COL9A1: variants seen among roughly 807,000 people sequenced by gnomAD.
COL9A1 encodes collagen alpha-1(IX) chain.
Under a neutral mutation model 142.6 loss-of-function variants are expected in COL9A1, and 104 were observed. The observed-to-expected ratio is 0.73, with a 90% CI of 0.62 to 0.86. COL9A1 has a LOEUF of 0.86. Among genes scored for constraint, COL9A1 ranks in the 40% least tolerant of loss-of-function variants. COL9A1 has a pLI of 0.00. For missense variants in COL9A1, 1,210 were observed against 1,176.6 expected (o/e 1.03, Z -0.42); for synonymous variants, 466 against 396.0 (o/e 1.18, Z -2.10).
intron 28 of COL9A1, among the ~76,000 whole-genome samples, chr6:70,247,901 T>A (rs539933264): frequency 1.3e-5 from 2 of 152,262 alleles, no homozygotes; most frequent in South Asian, 4.1e-4. Flanking sequence ...GAGGGTGGCT[T>A]AGATCTTTCA....
At chr6:70,277,073 C>T (rs1278077414) in intron 10 of COL9A1, among the ~76,000 whole-genome samples, 2 of 152,180 alleles carry the variant, frequency 1.3e-5, no homozygotes, top group Non-Finnish European at 2.9e-5. Context: ...TAGTTGTATA[C>T]ATTCAGAAAA....
In COL9A1 at chr6:70,255,050, C is replaced by T. The variant is rs761858766; in HGVS notation, c.1612-34G>A. The T allele has an allele frequency of 1.2e-5, 20 of 1,612,888 alleles. 1 individual carries two copies. In the South Asian group the frequency reaches 2.1e-4, roughly 17 times the overall value. On this transcript the variant is annotated intron_variant, in intron 23 of 37. Coordinates refer to ENST00000357250, the MANE Select transcript of COL9A1 (RefSeq NM_001851.6). ...ACACAAAGAAACATACTGTCTCTTACACACAGTCACATTCTTTTTCCCTTC... is the reference window on the plus strand; with the variant it reads ...ACACAAAGAAACATACTGTCTCTTATACACAGTCACATTCTTTTTCCCTTC...
intron 33 of COL9A1, among the ~76,000 whole-genome samples, chr6:70,236,990 T>C (rs2127561522): frequency 6.6e-6 from 1 of 152,248 alleles, no homozygotes; most frequent in African/African-American, 2.4e-5. Context: ...CCTGGCTAAC[T>C]TTTTGTATTT....
chr6:70,301,971 C>T, intron 2 of COL9A1, 30 bp downstream of exon 2: 1 of 1,572,834 alleles, frequency 6.4e-7, no homozygotes, highest in Admixed American at 1.7e-5. Flanking sequence ...AATAAGTGAT[C>T]TTTGAAAGTC....
At chr6:70,229,295 A>T (rs913644395) in intron 36 of COL9A1, among the ~76,000 whole-genome samples, 1 of 152,176 alleles carries the variant, frequency 6.6e-6, no homozygotes, top group Admixed American at 6.5e-5. Context: ...TTTGAGATGT[A>T]CAAAAACCAG....
At chr6:70,266,916 A>G (rs74917222) in intron 17 of COL9A1, 146 bp from the exon 18 acceptor site, 5 of 740,516 alleles carry the variant, frequency 6.8e-6, no homozygotes, top group Non-Finnish European at 1.2e-5. Context: ...GCCTTAAATG[A>G]CCTTAACAGC....
At chr6:70,253,461 T>A in intron 25 of COL9A1, 32 bp from the exon 26 acceptor site, 1 of 1,517,350 alleles carries the variant, frequency 6.6e-7, no homozygotes, top group Non-Finnish European at 9.1e-7. Context: ...CCTAGTTTAA[T>A]CACCTCCTCT....
At chr6:70,271,944 C>G in intron 13 of COL9A1, 121 bp downstream of exon 13, 1 of 1,061,676 alleles carries the variant, frequency 9.4e-7, no homozygotes, top group East Asian at 2.5e-5. Context: ...CACCTAAGAT[C>G]TTGCAGGTAG....
At chr6:70,256,272 T>C (rs1462820373) in intron 21 of COL9A1, among the ~76,000 whole-genome samples, 2 of 152,246 alleles carry the variant, frequency 1.3e-5, no homozygotes, top group African/African-American at 4.8e-5. Context: ...GGAAATTCTA[T>C]CTTTCTTATA....
chr6:70,271,582 G>T, intron 14 of COL9A1, 73 bp downstream of exon 14: 1 of 1,329,146 alleles, frequency 7.5e-7, no homozygotes. Flanking sequence ...GTACAGTTAG[G>T]GTAATTTGCT....
chr6:70,276,280 C>T (rs919576388), intron 10 of COL9A1, among the ~76,000 whole-genome samples: 16 of 152,094 alleles, frequency 1.1e-4, no homozygotes, highest in African/African-American at 3.9e-4. Flanking sequence ...TCTCTGGATG[C>T]ACATATGGCA....
rs11407353 is a variant in COL9A1, at chr6:70,227,424, T to TAAAAAAAAAA, written c.2504-1425_2504-1416dup. Among the ~76,000 whole-genome samples the TAAAAAAAAAA allele has an allele frequency of 7.8e-4, 39 of 50,024 alleles. 2 individuals carry two copies. Among genetic ancestry groups the TAAAAAAAAAA allele is most frequent in the East Asian group, 4.0e-3 (6 of 1,498 alleles). The allele number at this position is 50,024 out of a possible 152,430, so 32.8% of individuals were successfully genotyped here. ...CTCATAACAAAATAAATGCAAATTG[T>TAAAAAAAAAA]AAAAAAAAAAAAAAAAAAAAAAAAG... On this transcript the variant is annotated intron_variant, in intron 36 of 37. Transcript: ENST00000357250.
Position 70,216,634 on chromosome 6 carries a change from C to A in COL9A1, c.*263G>T. On this transcript the variant is annotated 3_prime_UTR_variant, in exon 38 of 38. Transcript: ENST00000357250. ...CTGGGAACAGGAGTATAAATTTATTCAAGGGAGGTGTTTGGTTTTCTTTTT... is the reference window on the plus strand; with the variant it reads ...CTGGGAACAGGAGTATAAATTTATTAAAGGGAGGTGTTTGGTTTTCTTTTT... 2.0e-6 allele frequency: 1 copy of A among 492,956 alleles called. No homozygotes were observed. The highest frequency in any genetic ancestry group is 2.2e-5 in the South Asian group (1 of 46,226). The allele number at this position is 492,956 out of a possible 1,614,324, so 30.5% of individuals were successfully genotyped here. A position where few individuals can be genotyped will look rare whatever the true frequency, so the allele number is the denominator to read the frequency against.
chr6:70,218,219 TATTG>T (rs1253831255), intron 37 of COL9A1, among the ~76,000 whole-genome samples: 15 of 152,356 alleles, frequency 9.8e-5, no homozygotes, highest in African/African-American at 3.1e-4. Flanking sequence ...ATTAAGATAT[TATTG>T]ATTAATGTCT....
At chr6:70,288,262 C>G (rs1773529697) in intron 5 of COL9A1, among the ~76,000 whole-genome samples, 1 of 152,170 alleles carries the variant, frequency 6.6e-6, no homozygotes, top group Non-Finnish European at 1.5e-5. Flanking sequence ...CTCTCATACT[C>G]CAAATCCTGT....
chr6:70,300,468 T>G (rs529319521), intron 2 of COL9A1, 82 bp from the exon 3 acceptor site: 2 of 548,154 alleles, frequency 3.6e-6, no homozygotes, highest in African/African-American at 2.0e-5. Flanking sequence ...AAAATAATAA[T>G]AATAATAATA....
chr6:70,272,156 T>C (rs1458689053), intron 12 of COL9A1, 68 bp from the exon 13 acceptor site: 9 of 1,281,582 alleles, frequency 7.0e-6, no homozygotes, highest in South Asian at 5.1e-5. Flanking sequence ...AATGTAGACA[T>C]AACTCAGCTA....
Position 70,296,356 on chromosome 6 carries a change from G to A in COL9A1, c.300-1793C>T, listed in dbSNP as rs551860236. Reference sequence around the variant, plus strand: ...TGACATGTATTAATCTTACTGCAAAGTTTTCAGTTCACTACCTATGTTTTA... The same window carrying A: ...TGACATGTATTAATCTTACTGCAAAATTTTCAGTTCACTACCTATGTTTTA... On this transcript the variant is annotated intron_variant, in intron 4 of 37. Transcript: ENST00000357250. 4.3e-3 allele frequency among the ~76,000 whole-genome samples: 651 copies of A among 151,942 alleles called. 4 individuals are homozygous for A. The highest frequency in any genetic ancestry group is 0.015 in the African/African-American group (625 of 41,486).
intron 31 of COL9A1, among the ~76,000 whole-genome samples, chr6:70,241,088 C>G (rs1770227500): frequency 6.6e-6 from 1 of 152,190 alleles, no homozygotes; most frequent in Admixed American, 6.5e-5. Flanking sequence ...AGGTCTTGAT[C>G]AAGAAAAACC....
Sources: gnomAD v4.1 joint callset for allele counts (sites outside exome capture counted in the v4.1 genomes callset) on GRCh38, gnomAD v4.1.1 for gene constraint, MANE v1.5 for transcripts, NCBI Gene and HGNC (gene_info 2026-07-23, HGNC 2026-07-21) for gene names.